VWC2L: variants seen among roughly 807,000 people sequenced by gnomAD.
VWC2L encodes von Willebrand factor C domain containing 2 like.
A neutral mutation model predicts 21.6 loss-of-function variants in VWC2L; 10 were observed. The ratio of observed to expected loss-of-function variants is 0.46; its 90% CI spans 0.29 to 0.78. The LOEUF (loss-of-function observed/expected upper bound fraction) is 0.78, where lower values mean the gene tolerates loss of function less well. Among genes scored for constraint, VWC2L ranks in the 30% least tolerant of loss-of-function variants. The probability of loss-of-function intolerance (pLI) is 0.10; values close to 1 mark genes in which losing one functional copy is unlikely to be tolerated. For missense variants in VWC2L, 209 were observed against 277.1 expected, an observed-to-expected ratio of 0.75 and a Z score of 1.74; for synonymous variants, 96 against 94.3, an observed-to-expected ratio of 1.02 and a Z score of -0.10.
chr2:214,435,945 A>G (rs1022856588), intron 2 of VWC2L, among the ~76,000 whole-genome samples: 1 of 152,086 alleles, frequency 6.6e-6, no homozygotes, highest in African/African-American at 2.4e-5. Context: ...CTTAATTATC[A>G]TTTTTAGTTC....
chr2:214,513,268 G>C (rs942581310), intron 3 of VWC2L, among the ~76,000 whole-genome samples: 29 of 152,062 alleles, frequency 1.9e-4, no homozygotes, highest in Non-Finnish European at 2.6e-4. Context: ...CTTCAAAGCA[G>C]GGCTTCCTTC....
intron 3 of VWC2L, among the ~76,000 whole-genome samples, chr2:214,502,845 T>C (rs1042738699): frequency 3.3e-5 from 5 of 152,196 alleles, no homozygotes; most frequent in African/African-American, 1.2e-4. Flanking sequence ...ATCCCTTCCA[T>C]TTTCCTGCTT....
rs1402513579 is a variant in VWC2L at position 214,575,880 on chromosome 2, CAT to C, written c.*61_*62del. ...AGGATGCTATGGCTTCAACACTGCA[CAT>C]GTTTAACACAAAACAAAACAAACAA... On this transcript the variant is annotated 3_prime_UTR_variant, in exon 4 of 4. Coordinates refer to ENST00000312504, the MANE Select transcript of VWC2L (RefSeq NM_001080500.4). 2.3e-5 allele frequency: 35 copies of C among 1,551,250 alleles called. No individual in the cohort carries two copies. Among genetic ancestry groups the C allele is most frequent in the Non-Finnish European group, 2.9e-5 (33 of 1,138,344 alleles).
intron 3 of VWC2L, among the ~76,000 whole-genome samples, chr2:214,543,671 A>G (rs1689662437): frequency 6.6e-6 from 1 of 152,036 alleles, no homozygotes; most frequent in African/African-American, 2.4e-5. Flanking sequence ...AAAAAAGACT[A>G]AGAGAGGAAA....
chr2:214,516,027 CTT>C, intron 3 of VWC2L, among the ~76,000 whole-genome samples: 1 of 152,246 alleles, frequency 6.6e-6, no homozygotes, highest in South Asian at 2.1e-4. Context: ...CAGGTGAGAA[CTT>C]TTTATTTCAT....
rs1310826191 is a variant in VWC2L at position 214,436,721 on chromosome 2, C to T, written c.483C>T (p.Val161=). ...CAGTTCCTGAGTGTGTCAACCCAGT[C>T]TATGAACCAGAACAATGTTGTCCTG... ...DCAVPECVNP[V]YEPEQCCPVC... Residue 161 remains valine, a synonymous_variant, in exon 3 of 4, where the codon GTC becomes GTT. Transcript: ENST00000312504. 2 of 1,613,234 alleles carry T rather than the reference C, an allele frequency of 1.2e-6. No homozygotes were observed. Among genetic ancestry groups the T allele is most frequent in the African/African-American group, 2.7e-5 (2 of 74,866 alleles).
intron 3 of VWC2L, among the ~76,000 whole-genome samples, chr2:214,527,813 C>T (rs185274520): frequency 1.3e-5 from 2 of 152,250 alleles, no homozygotes; most frequent in Admixed American, 6.5e-5. Context: ...AATATTAACA[C>T]CAAATTGTTC....
chr2:214,476,564 C>A (rs1294390693), intron 3 of VWC2L, among the ~76,000 whole-genome samples: 9 of 152,134 alleles, frequency 5.9e-5, no homozygotes, highest in African/African-American at 2.4e-5. Flanking sequence ...CTTGTAGTTA[C>A]CTAGTGAGCT....
chr2:214,563,762 C>A (rs1455857370), intron 3 of VWC2L, among the ~76,000 whole-genome samples: 1 of 151,988 alleles, frequency 6.6e-6, no homozygotes, highest in Non-Finnish European at 1.5e-5. Flanking sequence ...TGGAAGCACT[C>A]CCCTTGAAAA....
chr2:214,486,665 A>C (rs1169175967), intron 3 of VWC2L, among the ~76,000 whole-genome samples: 1 of 152,160 alleles, frequency 6.6e-6, no homozygotes, highest in African/African-American at 2.4e-5. Context: ...CCGTACACTC[A>C]GCTAGCTGGA....
intron 3 of VWC2L, among the ~76,000 whole-genome samples, chr2:214,456,078 T>C (rs558505564): frequency 1.4e-4 from 21 of 152,308 alleles, no homozygotes; most frequent in Non-Finnish European, 2.8e-4. Flanking sequence ...CTGGGTCATA[T>C]ATTAGTACTG....
chr2:214,507,845 G>A (rs926714106), intron 3 of VWC2L, among the ~76,000 whole-genome samples: 1 of 152,152 alleles, frequency 6.6e-6, no homozygotes, highest in Non-Finnish European at 1.5e-5. Flanking sequence ...TGGGTTTCAA[G>A]GAATTTGCAG....
intron 3 of VWC2L, among the ~76,000 whole-genome samples, chr2:214,551,221 G>T (rs1339185800): frequency 3.3e-5 from 5 of 152,210 alleles, no homozygotes; most frequent in Non-Finnish European, 1.5e-5. Flanking sequence ...ATAACATGCT[G>T]CAAGTATAAA....
chr2:214,456,711 G>A (rs1703063658), intron 3 of VWC2L, among the ~76,000 whole-genome samples: 2 of 152,006 alleles, frequency 1.3e-5, no homozygotes, highest in South Asian at 4.1e-4. Flanking sequence ...ATAGTTTGGG[G>A]TCTTACTTCT....
intron 3 of VWC2L, among the ~76,000 whole-genome samples, chr2:214,545,038 G>A (rs1689684036): frequency 6.6e-6 from 1 of 152,122 alleles, no homozygotes; most frequent in African/African-American, 2.4e-5. Context: ...ACTTTGGAAA[G>A]CAGTGTCTAA....
intron 3 of VWC2L, among the ~76,000 whole-genome samples, chr2:214,444,764 C>A (rs1041781039): frequency 2.0e-4 from 31 of 151,834 alleles, no homozygotes; most frequent in African/African-American, 7.5e-4. Context: ...AGGTGACATC[C>A]AAATATCTGA....
chr2:214,483,297 T>TA (rs1378539040), intron 3 of VWC2L, among the ~76,000 whole-genome samples: 1 of 152,006 alleles, frequency 6.6e-6, no homozygotes, highest in African/African-American at 2.4e-5. Flanking sequence ...AGCAGGCAAA[T>TA]AGACTCTGAT....
rs145552072 is a variant in VWC2L at position 214,534,010 on chromosome 2, C to A, written c.521-41662C>A. 6.6e-5 allele frequency: 10 copies of A among 152,622 alleles called. No homozygotes were observed. In the East Asian group the frequency reaches 1.7e-3, roughly 27 times the overall value. The allele number at this position is 152,622 out of a possible 1,614,324, so 9.5% of individuals were successfully genotyped here. Reference sequence around the variant, plus strand: ...CTTGGTCATAGCTTCAGAACCCTAGCGCTGCTTGATTCCCTTCAGTTGCAG... The same window carrying A: ...CTTGGTCATAGCTTCAGAACCCTAGAGCTGCTTGATTCCCTTCAGTTGCAG... On this transcript the variant is annotated intron_variant, in intron 3 of 3. Transcript: ENST00000312504.
chr2:214,515,060 C>T (rs1344619094), intron 3 of VWC2L, among the ~76,000 whole-genome samples: 1 of 152,126 alleles, frequency 6.6e-6, no homozygotes, highest in Non-Finnish European at 1.5e-5. Context: ...CTGCCCCCAC[C>T]CAGTCCATCT....
Sources: gnomAD v4.1 joint callset for allele counts (sites outside exome capture counted in the v4.1 genomes callset) on GRCh38, gnomAD v4.1.1 for gene constraint, MANE v1.5 for transcripts, NCBI Gene and HGNC (gene_info 2026-07-23, HGNC 2026-07-21) for gene names.